A2ML1: variants seen among roughly 807,000 people sequenced by gnomAD.
A2ML1 encodes the protein alpha-2-macroglobulin like 1, also known as alpha-2-macroglobulin-like protein 1.
In A2ML1, 161 loss-of-function variants were observed where a neutral mutation model predicts 181.9. That is an observed-to-expected ratio of 0.89 (90% confidence interval 0.78 to 1.01). The LOEUF is 1.01. Among genes scored for constraint, A2ML1 ranks in the 50% least tolerant of loss-of-function variants. The probability of loss-of-function intolerance (pLI) is 0.00; values close to 1 mark genes in which losing one functional copy is unlikely to be tolerated. For synonymous variants in A2ML1, 663 were observed against 666.8 expected, an observed-to-expected ratio of 0.99 and a Z score of 0.09; for missense variants, 1,670 against 1,768.1, an observed-to-expected ratio of 0.94 and a Z score of 1.00.
intron 18 of A2ML1, 59 bp from the exon 19 acceptor site, chr12:8,851,725 C>T (rs1943894615): frequency 1.3e-6 from 2 of 1,549,848 alleles, no homozygotes; most frequent in Admixed American, 3.6e-5. Context: ...GCTTAATTCA[C>T]AAATGTTCTC....
At chr12:8,839,316 C>A in intron 10 of A2ML1, 94 bp downstream of exon 10, 1 of 778,598 alleles carries the variant, frequency 1.3e-6, no homozygotes, top group Non-Finnish European at 2.1e-6. Context: ...TAACTTAGTG[C>A]TGTTCCAAGT....
chr12:8,850,644 G>A (rs780489594), intron 18 of A2ML1, among the ~76,000 whole-genome samples: 27 of 152,166 alleles, frequency 1.8e-4, no homozygotes, highest in Non-Finnish European at 3.1e-4. Context: ...AGAGCCTGTA[G>A]AAAACTCAGA....
At chr12:8,842,380 G>A (rs920917410) in intron 11 of A2ML1, among the ~76,000 whole-genome samples, 7 of 140,496 alleles carry the variant, frequency 5.0e-5, no homozygotes, top group Admixed American at 1.6e-4. Flanking sequence ...CACCACGCCC[G>A]GCTAATTTTT....
intron 11 of A2ML1, among the ~76,000 whole-genome samples, chr12:8,842,499 G>T (rs776839079): frequency 1.3e-5 from 2 of 152,128 alleles, no homozygotes; most frequent in South Asian, 2.1e-4. Flanking sequence ...GATTACAGGC[G>T]TGAGCCACCG....
chr12:8,842,602 A>G (rs767195532), intron 11 of A2ML1, among the ~76,000 whole-genome samples: 1 of 152,180 alleles, frequency 6.6e-6, no homozygotes, highest in South Asian at 2.1e-4. Flanking sequence ...CACATGCTCA[A>G]GGATGCTGAT....
intron 4 of A2ML1, among the ~76,000 whole-genome samples, chr12:8,831,771 C>T (rs113311824): frequency 0.031 from 4,618 of 151,082 alleles, 245 homozygotes; most frequent in African/African-American, 0.11. Flanking sequence ...TTTTTTGAGA[C>T]GGAGTTTCAT....
At chr12:8,853,618 GCT>G (rs1465178521) in intron 20 of A2ML1, among the ~76,000 whole-genome samples, 7 of 152,118 alleles carry the variant, frequency 4.6e-5, no homozygotes, top group Admixed American at 1.3e-4. Flanking sequence ...ATCCTTACAG[GCT>G]GCTAGACTGA....
At chr12:8,855,710 A>G in intron 23 of A2ML1, 118 bp downstream of exon 23, 2 of 918,838 alleles carry the variant, frequency 2.2e-6, no homozygotes, top group South Asian at 1.5e-5. Flanking sequence ...CAAGTGATGA[A>G]GGAAAAAGAG....
At chr12:8,859,380 T>C (rs1423045275) in intron 26 of A2ML1, among the ~76,000 whole-genome samples, 1 of 152,066 alleles carries the variant, frequency 6.6e-6, no homozygotes, top group Non-Finnish European at 1.5e-5. Context: ...CTTCTTCTCT[T>C]ATACACTGTA....
chr12:8,843,049 G>A (rs1336038069), intron 11 of A2ML1, 85 bp from the exon 12 acceptor site: 2 of 1,183,888 alleles, frequency 1.7e-6, no homozygotes, highest in African/African-American at 3.0e-5. Flanking sequence ...GAGAGAAAGA[G>A]CTCTATTTGA....
At chr12:8,851,751 C>T (rs759452406) in intron 18 of A2ML1, 33 bp from the exon 19 acceptor site, 4 of 1,608,074 alleles carry the variant, frequency 2.5e-6, no homozygotes, top group South Asian at 1.1e-5. Flanking sequence ...CCCACGCTAC[C>T]TCTGCCTCAT....
chr12:8,851,685 T>C, intron 18 of A2ML1, 99 bp from the exon 19 acceptor site: 4 of 1,122,596 alleles, frequency 3.6e-6, no homozygotes, highest in Non-Finnish European at 5.2e-6. Flanking sequence ...GGATTACAAG[T>C]GTAAGCCAGC....
chr12:8,846,022 G>A (rs1943671490), intron 13 of A2ML1, 55 bp from the exon 14 acceptor site: 5 of 1,602,380 alleles, frequency 3.1e-6, no homozygotes, highest in Admixed American at 3.3e-5. Context: ...GTTAGATGCC[G>A]TTGGCAGGTG....
intron 29 of A2ML1, among the ~76,000 whole-genome samples, chr12:8,867,431 T>C (rs1193564778): frequency 6.6e-6 from 1 of 152,182 alleles, no homozygotes; most frequent in Admixed American, 6.5e-5. Context: ...CCGGACCACC[T>C]GAGGTTGGGA....
downstream of A2ML1, among the ~76,000 whole-genome samples, chr12:8,880,938 G>C (rs1944864789): frequency 6.6e-6 from 1 of 152,180 alleles, no homozygotes; most frequent in Non-Finnish European, 1.5e-5. Flanking sequence ...TTTGCAGTTA[G>C]CTTTTTTGTT....
rs778132993 is a variant in A2ML1, at chr12:8,829,654, C to CAA, written c.410-52_410-51dup. ...TGGGTGACAGAGTGAGACCCTGTAT[C>CAA]AAAAAAAAAAAAAAAAAAAAAATTC... On this transcript the variant is annotated intron_variant, in intron 3 of 35. Coordinates refer to ENST00000299698, the MANE Select transcript of A2ML1 (RefSeq NM_144670.6). 0.014 allele frequency: 15,252 copies of CAA among 1,106,212 alleles called. 29 individuals carry two copies. Among genetic ancestry groups the CAA allele is most frequent in the African/African-American group, 0.029 (1,411 of 49,392 alleles). 68.5% of individuals were successfully genotyped at this position (1,106,212 alleles called of 1,614,324 possible).
At chr12:8,838,303 G>A in intron 8 of A2ML1, 33 bp from the exon 9 acceptor site, 2 of 1,442,220 alleles carry the variant, frequency 1.4e-6, no homozygotes, top group Non-Finnish European at 1.9e-6. Flanking sequence ...TTCCTCATCT[G>A]CTCTCTATCT....
rs1443830659 is a variant in A2ML1 at position 8,854,263 on chromosome 12, A to G, written c.2712+14A>G. ...GTTCTCGTCAAAGTGAGTTTTCTTCAGAGGTAGAGACAGCAACCAACCGAG... is the reference window on the plus strand; with the variant it reads ...GTTCTCGTCAAAGTGAGTTTTCTTCGGAGGTAGAGACAGCAACCAACCGAG... On this transcript the variant is annotated intron_variant, in intron 21 of 35. Coordinates refer to ENST00000299698, the MANE Select transcript of A2ML1 (RefSeq NM_144670.6). 2 of 1,587,318 alleles carry G rather than the reference A, an allele frequency of 1.3e-6. No homozygotes were observed. Among genetic ancestry groups the G allele is most frequent in the Admixed American group, 1.8e-5 (1 of 56,666 alleles).
At chr12:8,877,902 T>G (rs1944828801), downstream of A2ML1, among the ~76,000 whole-genome samples, 1 of 152,192 alleles carries the variant, frequency 6.6e-6, no homozygotes, top group Non-Finnish European at 1.5e-5. Context: ...TTCGCAGCAC[T>G]ATTCACAATA....
Sources: allele counts gnomAD v4.1 joint callset (sites outside exome capture counted in the v4.1 genomes callset), GRCh38; gene constraint gnomAD v4.1.1; transcripts MANE v1.5; gene names NCBI Gene and HGNC (gene_info 2026-07-23, HGNC 2026-07-21).